The following CSNK2A2IP variants were observed in gnomAD, a reference collection of about 807,000 sequenced individuals.
CSNK2A2IP encodes casein kinase II subunit alpha'-interacting protein.
chr3:88,405,552 A>G, the CSNK2A2IP span, among the ~76,000 whole-genome samples: 1 of 152,140 alleles, frequency 6.6e-6, no homozygotes, highest in African/African-American at 2.4e-5. Context: ...CAGAAACCCT[A>G]TTATCTTCTT....
At chr3:88,429,660 G>T in the CSNK2A2IP span, among the ~76,000 whole-genome samples, 1 of 152,176 alleles carries the variant, frequency 6.6e-6, no homozygotes, top group Non-Finnish European at 1.5e-5. Context: ...TATTGATGAT[G>T]TCAAGAAATT....
the CSNK2A2IP span, among the ~76,000 whole-genome samples, chr3:88,365,015 T>C: frequency 1.3e-5 from 2 of 152,166 alleles, no homozygotes; most frequent in African/African-American, 4.8e-5. Flanking sequence ...TTCCAATTTC[T>C]TTAGATAAGG....
At chr3:88,362,602 A>T in the CSNK2A2IP span, among the ~76,000 whole-genome samples, 1 of 152,318 alleles carries the variant, frequency 6.6e-6, no homozygotes, top group East Asian at 1.9e-4. Flanking sequence ...GGCTTGCCCA[A>T]GGCCCATGGC....
chr3:88,466,140 T>C, the CSNK2A2IP span: 1 of 1,231,686 alleles, frequency 8.1e-7, no homozygotes, highest in Non-Finnish European at 1.0e-6. Context: ...CATCACCTTC[T>C]TTCAAACCCA....
At chr3:88,458,044 A>G in the CSNK2A2IP span, among the ~76,000 whole-genome samples, 1 of 150,826 alleles carries the variant, frequency 6.6e-6, no homozygotes, top group Non-Finnish European at 1.5e-5. Flanking sequence ...TATTGGCATA[A>G]TATTCTTCAG....
chr3:88,422,217 T>A, the CSNK2A2IP span, among the ~76,000 whole-genome samples: 78,973 of 151,992 alleles, frequency 0.52, 20,903 homozygotes, highest in East Asian at 0.76. Flanking sequence ...TGCATTTAAA[T>A]TCCCATCTAT....
At chr3:88,370,610 CTCTTTCTT>C in the CSNK2A2IP span, among the ~76,000 whole-genome samples, 202 of 148,146 alleles carry the variant, frequency 1.4e-3, 1 homozygote, top group Non-Finnish European at 9.0e-4. Flanking sequence ...CTCTCTCTCT[CTCTTTCTT>C]TCTTTCTTTC....
At chr3:88,442,039 A>G in the CSNK2A2IP span, among the ~76,000 whole-genome samples, 1 of 152,186 alleles carries the variant, frequency 6.6e-6, no homozygotes, top group Non-Finnish European at 1.5e-5. Flanking sequence ...GAATAGCTTT[A>G]CATTAAAGGA....
chr3:88,436,815 T>C, the CSNK2A2IP span, among the ~76,000 whole-genome samples: 2 of 152,156 alleles, frequency 1.3e-5, no homozygotes, highest in South Asian at 2.1e-4. Flanking sequence ...CAAACTCGAA[T>C]TGATGATATT....
chr3:88,403,393 A>G, the CSNK2A2IP span, among the ~76,000 whole-genome samples: 1 of 152,122 alleles, frequency 6.6e-6, no homozygotes, highest in Non-Finnish European at 1.5e-5. Flanking sequence ...TTATGGAGAT[A>G]AATATGTTCC....
the CSNK2A2IP span, among the ~76,000 whole-genome samples, chr3:88,455,882 G>T: frequency 6.8e-6 from 1 of 146,210 alleles, no homozygotes; most frequent in African/African-American, 2.5e-5. Flanking sequence ...TTTGTGTAAG[G>T]TCTAAGAGAA....
chr3:88,456,877 C>G, the CSNK2A2IP span, among the ~76,000 whole-genome samples: 4 of 151,996 alleles, frequency 2.6e-5, no homozygotes, highest in African/African-American at 9.7e-5. Context: ...TAAGACTTGA[C>G]GTCAGGTAAT....
chr3:88,400,012 A>G, the CSNK2A2IP span, among the ~76,000 whole-genome samples: 1 of 152,248 alleles, frequency 6.6e-6, no homozygotes, highest in Non-Finnish European at 1.5e-5. Context: ...TAGAAGCATC[A>G]TAAAATGAAG....
the CSNK2A2IP span, among the ~76,000 whole-genome samples, chr3:88,389,501 C>T: frequency 6.6e-6 from 1 of 152,084 alleles, no homozygotes; most frequent in Non-Finnish European, 1.5e-5. Flanking sequence ...TATAGGCCAT[C>T]GTAAGGATGC....
the CSNK2A2IP span, among the ~76,000 whole-genome samples, chr3:88,393,797 T>C: frequency 2.6e-5 from 4 of 152,208 alleles, no homozygotes; most frequent in African/African-American, 9.6e-5. Context: ...AAGCTGATAG[T>C]GCAGTTTGAC....
chr3:88,381,796 G>A, the CSNK2A2IP span, among the ~76,000 whole-genome samples: 1 of 152,196 alleles, frequency 6.6e-6, no homozygotes, highest in Non-Finnish European at 1.5e-5. Flanking sequence ...TAGAGCAAGA[G>A]GAACTGTTTG....
the CSNK2A2IP span, among the ~76,000 whole-genome samples, chr3:88,393,230 AC>A: frequency 6.6e-6 from 1 of 152,196 alleles, no homozygotes; most frequent in East Asian, 1.9e-4. Flanking sequence ...AGGTAAACTT[AC>A]TCAGTCTTGA....
At chr3:88,402,489 G>T in the CSNK2A2IP span, among the ~76,000 whole-genome samples, 3 of 151,848 alleles carry the variant, frequency 2.0e-5, no homozygotes, top group African/African-American at 7.2e-5. Flanking sequence ...TGTTGTTTAT[G>T]GTAAAAACCT....
At chr3:88,387,163 CTTTT>C in the CSNK2A2IP span, among the ~76,000 whole-genome samples, 10 of 109,846 alleles carry the variant, frequency 9.1e-5, no homozygotes, top group Admixed American at 9.3e-5. Flanking sequence ...CAAACACATG[CTTTT>C]TTTTTTTTTT....
Sources: gnomAD v4.1 joint callset for allele counts (sites outside exome capture counted in the v4.1 genomes callset) on GRCh38, gnomAD v4.1.1 for gene constraint, MANE v1.5 for transcripts, NCBI Gene and HGNC (gene_info 2026-07-23, HGNC 2026-07-21) for gene names.